Variants in TRMU observed in about 807,000 individuals in gnomAD.
TRMU encodes the protein mitochondrial tRNA-specific 2-thiouridylase 1.
A neutral mutation model predicts 46.9 loss-of-function variants in TRMU; 49 were observed. The ratio of observed to expected loss-of-function variants is 1.05; its 90% CI spans 0.83 to 1.33. TRMU has a LOEUF of 1.33. Among genes scored for constraint, TRMU ranks in the 40% most tolerant of loss-of-function variants. TRMU has a pLI of 0.00. For missense variants in TRMU, 572 were observed against 532.4 expected (o/e 1.07, Z -0.73); for synonymous variants, 241 against 200.9 (o/e 1.20, Z -1.69).
chr22:46,336,124 C>G lies in TRMU; in HGVS notation c.82+278C>G. The G allele has an allele frequency of 7.6e-7, 1 of 1,313,276 alleles. No homozygotes were observed. The highest frequency in any genetic ancestry group is 1.7e-5 in the South Asian group (1 of 59,596). The allele number at this position is 1,313,276 out of a possible 1,614,324, so 81.4% of individuals were successfully genotyped here. On this transcript the variant is annotated intron_variant, in intron 1 of 10. Coordinates refer to ENST00000645190, the MANE Select transcript of TRMU (RefSeq NM_018006.5). The surrounding 1 kb of genome is among the most constrained non-coding windows in gnomAD (Gnocchi z 4.1). The stretch of plus-strand genomic sequence containing the variant: ...CACCCACAGTGAGAAGCCGGCGGGC[C>G]GGGGTGGGGTGGGGAGGGAAGGGTT...
At chr22:46,345,268 T>C (rs983559046) in intron 3 of TRMU, among the ~76,000 whole-genome samples, 1 of 152,158 alleles carries the variant, frequency 6.6e-6, no homozygotes, top group African/African-American at 2.4e-5. Flanking sequence ...AGACGGGGTT[T>C]CATCATGTTG....
rs537257675 is a variant in TRMU at position 46,349,137 on chromosome 22, CAAAA to C, written c.479-1141_479-1138del. Among the ~76,000 whole-genome samples, 5 of 117,062 alleles carry C rather than the reference CAAAA, an allele frequency of 4.3e-5. No homozygotes were observed. The highest frequency in any genetic ancestry group is 6.3e-5 in the African/African-American group (2 of 31,824). 76.8% of individuals were successfully genotyped at this position (117,062 alleles called of 152,430 possible). On this transcript the variant is annotated intron_variant, in intron 4 of 10. Coordinates refer to ENST00000645190, the MANE Select transcript of TRMU (RefSeq NM_018006.5). This position sits in a 1 kb window ranked among gnomAD's most constrained non-coding sequence, Gnocchi z 4.6. ...TGGGCGACAGAGCGAGACTCCATCT[CAAAA>C]AAAAAAAAAAAAGTGGACTCTGGAA...
intron 8 of TRMU, 107 bp from the exon 9 acceptor site, chr22:46,355,337 C>G (rs926954233): frequency 3.8e-5 from 55 of 1,453,250 alleles, no homozygotes; most frequent in Non-Finnish European, 4.5e-5. Context: ...GCACCGTTAC[C>G]TGTGTGTGTG....
chr22:46,353,836 A>T lies in TRMU; in HGVS notation c.842A>T (p.Glu281Val), dbSNP rs766263782. ...CTGAGAGAGCCCTGGTACGTGGTGGAGAAGGACAGCGTCAAGGGTGACGTG... is the reference window on the plus strand; with the variant it reads ...CTGAGAGAGCCCTGGTACGTGGTGGTGAAGGACAGCGTCAAGGGTGACGTG... Reference protein sequence around the residue: ...GGLREPWYVVEKDSVKGDVFV... With the variant: ...GGLREPWYVVVKDSVKGDVFV... Residue 281 changes from glutamate (E) to valine (V), a missense_variant, in exon 8 of 11, where the codon GAG becomes GTG. By Grantham distance (121) the Glu-to-Val change is moderately radical. Coordinates refer to ENST00000645190, the MANE Select transcript of TRMU (RefSeq NM_018006.5). 5 of 1,613,784 alleles carry T rather than the reference A, an allele frequency of 3.1e-6. No individual in the cohort carries two copies. The highest frequency in any genetic ancestry group is 4.2e-6 in the Non-Finnish European group (5 of 1,179,864).
At position 46,349,593 on chromosome 22, in the gene TRMU, T is replaced by C. The variant is rs1297880181; in HGVS notation, c.479-698T>C. On this transcript the variant is annotated intron_variant, in intron 4 of 10. Coordinates refer to ENST00000645190, the MANE Select transcript of TRMU (RefSeq NM_018006.5). The surrounding 1 kb of genome is among the most constrained non-coding windows in gnomAD (Gnocchi z 4.6). ...CGTCTTAGTTTTTTGCCATTGATCA[T>C]TGAACTCGAGAGTGGAGAACTGGAC... 6.6e-6 allele frequency among the ~76,000 whole-genome samples: 1 copy of C among 152,214 alleles called. No individual in the cohort carries two copies. Among genetic ancestry groups the C allele is most frequent in the East Asian group, 1.9e-4 (1 of 5,202 alleles).
chr22:46,346,316 C>A, intron 3 of TRMU, 106 bp from the exon 4 acceptor site: 1 of 1,419,170 alleles, frequency 7.0e-7, no homozygotes, highest in Non-Finnish European at 9.4e-7. Flanking sequence ...AGCCCCTCAG[C>A]CTAAGACTTG....
At position 46,339,582 on chromosome 22, in the gene TRMU, T is replaced by C. The variant is rs1464585341; in HGVS notation, c.248+1638T>C. Among the ~76,000 whole-genome samples the C allele has an allele frequency of 6.6e-6, 1 of 152,200 alleles. No homozygotes were observed. Among genetic ancestry groups the C allele is most frequent in the Admixed American group, 6.5e-5 (1 of 15,278 alleles). ...ACACATCGGGTACAATGTCCACTGC[T>C]TGGGTGACGGGTACACCAAAATCTC... On this transcript the variant is annotated intron_variant, in intron 2 of 10. Transcript: ENST00000645190. This position sits in a 1 kb window ranked among gnomAD's most constrained non-coding sequence, Gnocchi z 4.8.
rs956082625 is a variant in TRMU at position 46,347,829 on chromosome 22, C to T, written c.478+1285C>T. ...CCCCTGCTGCTTCTGCTGGGTCAGGCCCCAGCTGAGTTCTTTCCTCAGCGT... is the reference window on the plus strand; with the variant it reads ...CCCCTGCTGCTTCTGCTGGGTCAGGTCCCAGCTGAGTTCTTTCCTCAGCGT... On this transcript the variant is annotated intron_variant, in intron 4 of 10. Transcript: ENST00000645190. This position sits in a 1 kb window ranked among gnomAD's most constrained non-coding sequence, Gnocchi z 5.0. 2.6e-5 allele frequency among the ~76,000 whole-genome samples: 4 copies of T among 152,202 alleles called. No individual in the cohort carries two copies. The highest frequency in any genetic ancestry group is 7.2e-5 in the African/African-American group (3 of 41,458).
rs1252116408 is a variant in TRMU at position 46,342,035 on chromosome 22, C to T, written c.249-1227C>T. Reference sequence around the variant, plus strand: ...TGACAAAGGTGTGGGGGGTTTTCCCCATACAGCAAGCAGTGGACACCGACT... The same window carrying T: ...TGACAAAGGTGTGGGGGGTTTTCCCTATACAGCAAGCAGTGGACACCGACT... On this transcript the variant is annotated intron_variant, in intron 2 of 10. Transcript: ENST00000645190. The surrounding 1 kb of genome is among the most constrained non-coding windows in gnomAD (Gnocchi z 4.7). Among the ~76,000 whole-genome samples the T allele has an allele frequency of 1.3e-5, 2 of 152,178 alleles. No individual in the cohort carries two copies. The highest frequency in any genetic ancestry group is 2.9e-5 in the Non-Finnish European group (2 of 68,028).
Position 46,355,596 on chromosome 22 carries a change from A to T in TRMU, c.1018+8A>T, listed in dbSNP as rs781208481. 1 of 1,613,276 alleles carries T rather than the reference A, an allele frequency of 6.2e-7. No individual in the cohort carries two copies. The highest frequency in any genetic ancestry group is 8.5e-7 in the Non-Finnish European group (1 of 1,180,018). Reference sequence around the variant, plus strand: ...GCCACCAGATGGCACTAGGTGACTGACGGGAGGGCTCCTGAGGACGGGCCC... The same window carrying T: ...GCCACCAGATGGCACTAGGTGACTGTCGGGAGGGCTCCTGAGGACGGGCCC... On this transcript the variant is annotated splice_region_variant and intron_variant, in intron 9 of 10. Coordinates refer to ENST00000645190, the MANE Select transcript of TRMU (RefSeq NM_018006.5).
chr22:46,340,299 T>G (rs181808103), intron 2 of TRMU, among the ~76,000 whole-genome samples: 1 of 152,246 alleles, frequency 6.6e-6, no homozygotes, highest in East Asian at 1.9e-4. Context: ...CAGCAGTAGT[T>G]TCAAGATCAA....
chr22:46,350,462 A>C lies in TRMU; in HGVS notation c.650A>C (p.Glu217Ala). The C allele has an allele frequency of 6.2e-7, 1 of 1,613,376 alleles. No individual in the cohort carries two copies. ...CTTCATCATGTGCTTCAGAAGAAAG[A>C]GGTACGAGTGAGCAGTTGCCTTTGA... ...NRLHHVLQKK[E>A]SMGMCFIGKR... Residue 217 changes from glutamate (E) to alanine (A), a missense_variant and splice_region_variant, in exon 5 of 11, where the codon GAG becomes GCG. Transcript: ENST00000645190. This position sits in a 1 kb window ranked among gnomAD's most constrained non-coding sequence, Gnocchi z 4.6.
At chr22:46,345,930 G>C (rs1488161236) in intron 3 of TRMU, among the ~76,000 whole-genome samples, 1 of 151,892 alleles carries the variant, frequency 6.6e-6, no homozygotes. Context: ...ACCACGCCTG[G>C]CTAATTTTTG....
At chr22:46,355,816 T>C (rs2147115553) in intron 9 of TRMU, 174 bp from the exon 10 acceptor site, 1 of 986,454 alleles carries the variant, frequency 1.0e-6, no homozygotes, top group Non-Finnish European at 1.5e-6. Flanking sequence ...CTGAAGCAAG[T>C]GTGTACACTG....
intron 10 of TRMU, 182 bp downstream of exon 10, chr22:46,356,254 G>C: frequency 1.6e-6 from 1 of 641,500 alleles, no homozygotes; most frequent in Non-Finnish European, 2.7e-6. Context: ...ACAACTGTGA[G>C]AGGATTTCCA....
chr22:46,343,948 C>A (rs1007256736), intron 3 of TRMU, among the ~76,000 whole-genome samples: 9 of 151,752 alleles, frequency 5.9e-5, no homozygotes, highest in Admixed American at 5.3e-4. Flanking sequence ...CTTGCAGATT[C>A]AATATGTCAG....
chr22:46,350,206 G>A lies in TRMU; in HGVS notation c.479-85G>A, dbSNP rs142505382. On this transcript the variant is annotated intron_variant, in intron 4 of 10. Coordinates refer to ENST00000645190, the MANE Select transcript of TRMU (RefSeq NM_018006.5). This position sits in a 1 kb window ranked among gnomAD's most constrained non-coding sequence, Gnocchi z 4.6. ...GCCTCTGACAGGCTAGGGGTAGTCTGTCTAAGTGAACAGAAGGACATTGTT... is the reference window on the plus strand; with the variant it reads ...GCCTCTGACAGGCTAGGGGTAGTCTATCTAAGTGAACAGAAGGACATTGTT... 3.8e-4 allele frequency: 592 copies of A among 1,555,678 alleles called. 5 individuals carry two copies. In the African/African-American group the frequency reaches 7.0e-3, roughly 18 times the overall value.
chr22:46,355,597 C>T lies in TRMU; in HGVS notation c.1018+9C>T, dbSNP rs373346869. 76 of 1,613,160 alleles carry T rather than the reference C, an allele frequency of 4.7e-5. No homozygotes were observed. The highest frequency in any genetic ancestry group is 1.6e-4 in the Middle Eastern group (1 of 6,084). ...CCACCAGATGGCACTAGGTGACTGA[C>T]GGGAGGGCTCCTGAGGACGGGCCCC... On this transcript the variant is annotated intron_variant, in intron 9 of 10. Coordinates refer to ENST00000645190, the MANE Select transcript of TRMU (RefSeq NM_018006.5).
rs1237416580 is a variant in TRMU, at chr22:46,339,820, T to C, written c.248+1876T>C. On this transcript the variant is annotated intron_variant, in intron 2 of 10. Coordinates refer to ENST00000645190, the MANE Select transcript of TRMU (RefSeq NM_018006.5). This position sits in a 1 kb window ranked among gnomAD's most constrained non-coding sequence, Gnocchi z 4.8. ...ATATTAACAACATGGACAAAACTGA[T>C]GGCTGAATTTTCCTGGGGAAAGTTA... 1.8e-4 allele frequency among the ~76,000 whole-genome samples: 27 copies of C among 152,148 alleles called. No homozygotes were observed. Among genetic ancestry groups the C allele is most frequent in the Admixed American group, 1.8e-3 (27 of 15,268 alleles).
Sources: gnomAD v4.1 joint callset for allele counts (sites outside exome capture counted in the v4.1 genomes callset) on GRCh38, gnomAD v4.1.1 for gene constraint, Gnocchi (gnomAD v3.1) non-coding constraint, MANE v1.5 for transcripts, NCBI Gene and HGNC (gene_info 2026-07-23, HGNC 2026-07-21) for gene names.